Variants in WNT7B observed in about 807,000 individuals in gnomAD.
WNT7B encodes the protein protein Wnt-7b.
WNT7B carries 19 observed loss-of-function variants against 38.2 expected under a neutral mutation model. The ratio of observed to expected loss-of-function variants is 0.50; its 90% CI spans 0.35 to 0.73. The LOEUF (loss-of-function observed/expected upper bound fraction) is 0.73, where lower values mean the gene tolerates loss of function less well. WNT7B is among the 30% of genes least tolerant of loss of function. WNT7B has a pLI of 0.01. For synonymous variants in WNT7B, 243 were observed against 209.3 expected, an observed-to-expected ratio of 1.16 and a Z score of -1.39; for missense variants, 423 against 507.9, an observed-to-expected ratio of 0.83 and a Z score of 1.61.
intron 1 of WNT7B, among the ~76,000 whole-genome samples, chr22:45,963,968 AG>A (rs2146747845): frequency 6.6e-6 from 1 of 152,030 alleles, no homozygotes; most frequent in Non-Finnish European, 1.5e-5. Context: ...TGCAGCCTGG[AG>A]GGGAGCCCCC....
intron 1 of WNT7B, among the ~76,000 whole-genome samples, chr22:45,961,870 G>C (rs918529370): frequency 1.3e-5 from 2 of 152,182 alleles, no homozygotes; most frequent in African/African-American, 4.8e-5. Context: ...TGGCCTCCCT[G>C]AGCCTCAGTT....
chr22:45,957,419 C>T (rs1179107496), intron 1 of WNT7B, among the ~76,000 whole-genome samples: 1 of 151,992 alleles, frequency 6.6e-6, no homozygotes, highest in African/African-American at 2.4e-5. Flanking sequence ...CACGGTGGCT[C>T]ACACCTGTAA....
At chr22:45,930,237 C>T (rs1931294435) in intron 3 of WNT7B, among the ~76,000 whole-genome samples, 1 of 152,264 alleles carries the variant, frequency 6.6e-6, no homozygotes, top group African/African-American at 2.4e-5. Flanking sequence ...AGCCTAGCAC[C>T]TGGCACAGAA....
chr22:45,940,114 G>A (rs912456143), intron 2 of WNT7B, among the ~76,000 whole-genome samples: 5 of 152,292 alleles, frequency 3.3e-5, no homozygotes, highest in East Asian at 1.9e-4. Flanking sequence ...GAATTGTGAA[G>A]TATGTGGATT....
At position 45,938,365 on chromosome 22, in the gene WNT7B, T is replaced by G. The variant is rs114465562; in HGVS notation, c.299-6996A>C. On this transcript the variant is annotated intron_variant, in intron 2 of 3. Coordinates refer to ENST00000339464, the MANE Select transcript of WNT7B (RefSeq NM_058238.3). ...AAGAGGTACAAAGATGGCTGGGTGC[T>G]GTGGCTCACACCTGTAATCTCAGCA... is the stretch of plus-strand genomic sequence containing the variant. Among the ~76,000 whole-genome samples, 868 of 152,162 alleles carry G rather than the reference T, an allele frequency of 5.7e-3. 8 individuals are homozygous for G. The highest frequency in any genetic ancestry group is 0.02 in the African/African-American group (812 of 41,514).
chr22:45,928,711 G>C (rs1159654354), intron 3 of WNT7B, among the ~76,000 whole-genome samples: 1 of 152,080 alleles, frequency 6.6e-6, no homozygotes, highest in African/African-American at 2.4e-5. Context: ...CAGCCCTGGG[G>C]TTCACACAGC....
At chr22:45,925,317 C>G (rs28609565) in intron 3 of WNT7B, 92 of 985,234 alleles carry the variant, frequency 9.3e-5, no homozygotes, top group Non-Finnish European at 1.0e-4. Context: ...GTTTTCTGCT[C>G]TGCATCAGTG....
chr22:45,926,768 C>T (rs571770627), intron 3 of WNT7B: 46 of 985,400 alleles, frequency 4.7e-5, no homozygotes, highest in Middle Eastern at 5.2e-4. Flanking sequence ...CCTCTGACCA[C>T]GAGCCCACAG....
intron 1 of WNT7B, among the ~76,000 whole-genome samples, chr22:45,954,485 G>A (rs1932015330): frequency 6.6e-6 from 1 of 152,192 alleles, no homozygotes; most frequent in South Asian, 2.1e-4. Context: ...GTGAAGATTA[G>A]GACCCAATTG....
At chr22:45,973,188 G>C (rs1271241634) in intron 1 of WNT7B, among the ~76,000 whole-genome samples, 4 of 152,244 alleles carry the variant, frequency 2.6e-5, no homozygotes, top group African/African-American at 9.6e-5. Flanking sequence ...AGCGGTTGGC[G>C]GGGATGGGTT....
intron 1 of WNT7B, chr22:45,972,493 C>T (rs1200838609): frequency 5.5e-6 from 1 of 182,182 alleles, no homozygotes; most frequent in African/African-American, 2.4e-5. Context: ...GCGGGCGCGC[C>T]TTGGCTGCGG....
At chr22:45,963,145 C>G (rs28621525) in intron 1 of WNT7B, among the ~76,000 whole-genome samples, 343 of 152,330 alleles carry the variant, frequency 2.3e-3, no homozygotes, top group African/African-American at 8.1e-3. Flanking sequence ...CTGGGCCACA[C>G]AGCATCTCAG....
intron 2 of WNT7B, among the ~76,000 whole-genome samples, chr22:45,949,115 G>C (rs1010905905): frequency 6.6e-6 from 1 of 152,128 alleles, no homozygotes; most frequent in African/African-American, 2.4e-5. Flanking sequence ...ACAGGCATGA[G>C]CCACCAGGTC....
chr22:45,941,009 A>G (rs1931632544), intron 2 of WNT7B, among the ~76,000 whole-genome samples: 1 of 152,152 alleles, frequency 6.6e-6, no homozygotes, highest in African/African-American at 2.4e-5. Context: ...TTTGTTCTGA[A>G]AAGATGGAAG....
chr22:45,936,180 T>C (rs1483021209), intron 2 of WNT7B: 1 of 985,198 alleles, frequency 1.0e-6, no homozygotes, highest in Non-Finnish European at 1.2e-6. Flanking sequence ...GCAGGCTATC[T>C]CTGGTGCCTC....
intron 1 of WNT7B, among the ~76,000 whole-genome samples, chr22:45,967,912 C>T (rs1454575036): frequency 6.6e-6 from 1 of 152,176 alleles, no homozygotes; most frequent in African/African-American, 2.4e-5. Flanking sequence ...ACCCTGATTC[C>T]ACTCCCCGTG....
rs1382163234 is a variant in WNT7B at position 45,977,040 on chromosome 22, G to T, written c.-286C>A. The T allele has an allele frequency of 2.0e-6, 2 of 984,300 alleles. No individual in the cohort carries two copies. Among genetic ancestry groups the T allele is most frequent in the Non-Finnish European group, 2.4e-6 (2 of 829,546 alleles). 61.0% of individuals were successfully genotyped at this position (984,300 alleles called of 1,614,324 possible). A position where few individuals can be genotyped will look rare whatever the true frequency, so the allele number is the denominator to read the frequency against. The stretch of plus-strand genomic sequence containing the variant: ...GGACCCCTGCAAGCGCGGGCCGGGG[G>T]CCCGGGCGCGGCTGGCGGGCGGGTG... On this transcript the variant is annotated 5_prime_UTR_variant, in exon 1 of 4. Transcript: ENST00000339464.
chr22:45,957,151 TG>T (rs914220321), intron 1 of WNT7B, among the ~76,000 whole-genome samples: 1 of 150,908 alleles, frequency 6.6e-6, no homozygotes, highest in African/African-American at 2.5e-5. Context: ...CACCTCATCT[TG>T]GAGACAGAAA....
chr22:45,923,362 C>A (rs1161879401), intron 3 of WNT7B, 27 bp from the exon 4 acceptor site: 1 of 1,575,318 alleles, frequency 6.3e-7, no homozygotes, highest in South Asian at 1.2e-5. Flanking sequence ...AGCTGCTCGG[C>A]ACGGCATGGC....
Sources: allele counts gnomAD v4.1 joint callset (sites outside exome capture counted in the v4.1 genomes callset), GRCh38; gene constraint gnomAD v4.1.1; transcripts MANE v1.5; gene names NCBI Gene and HGNC (gene_info 2026-07-23, HGNC 2026-07-21).